Variants in HMCN1 observed in about 807,000 individuals in gnomAD.
HMCN1 encodes hemicentin-1.
In HMCN1, 321 loss-of-function variants were observed where a neutral mutation model predicts 625.9. The observed-to-expected ratio is 0.51, with a 90% CI of 0.47 to 0.56. The LOEUF (loss-of-function observed/expected upper bound fraction) is 0.56, where lower values mean the gene tolerates loss of function less well. Ranked by LOEUF, HMCN1 falls within the 20% of genes least tolerant of loss-of-function variation. The pLI is 0.00. For synonymous variants in HMCN1, 2,425 were observed against 2,417.6 expected, an observed-to-expected ratio of 1.00 and a Z score of -0.09; for missense variants, 6,588 against 6,887.3, an observed-to-expected ratio of 0.96 and a Z score of 1.54.
intron 4 of HMCN1, among the ~76,000 whole-genome samples, chr1:185,894,825 T>C (rs1665392842): frequency 6.6e-6 from 1 of 152,242 alleles, no homozygotes; most frequent in African/African-American, 2.4e-5. Context: ...GCTATAGGAT[T>C]CACATGAAAA....
At position 186,018,271 on chromosome 1, in the gene HMCN1, G is replaced by C; in HGVS notation, c.5389G>C (p.Val1797Leu). 3 of 1,612,960 alleles carry C rather than the reference G, an allele frequency of 1.9e-6. No individual in the cohort carries two copies. Among genetic ancestry groups the C allele is most frequent in the Non-Finnish European group, 2.5e-6 (3 of 1,179,174 alleles). Residue 1797 changes from valine (V) to leucine (L), a missense_variant, in exon 34 of 107, where the codon GTG (valine) becomes CTG (leucine). Physicochemically the swap from Val to Leu is conservative, Grantham distance 32. Coordinates refer to ENST00000271588, the MANE Select transcript of HMCN1 (RefSeq NM_031935.3). ...CAAACTGGTTATTGCTCAGGCTCAA[G>C]TGTCAAACACAGGCCTTTATCGGTG... ...GRKLVIAQAQ[V>L]SNTGLYRCMA...
intron 35 of HMCN1, among the ~76,000 whole-genome samples, chr1:186,020,273 G>GATGATAT (rs1558149828): frequency 0.023 from 2,659 of 116,968 alleles, 82 homozygotes; most frequent in African/African-American, 0.089. Context: ...ATAGATGATA[G>GATGATAT]ATTTCAAATC....
At chr1:186,100,871 C>A (rs116644192) in intron 68 of HMCN1, among the ~76,000 whole-genome samples, 287 of 152,228 alleles carry the variant, frequency 1.9e-3, no homozygotes, top group African/African-American at 6.6e-3. Context: ...TATCTGCTCA[C>A]CCCTAGCATA....
At chr1:185,965,990 C>T (rs1297306085) in intron 14 of HMCN1, 75 bp downstream of exon 14, 3 of 994,510 alleles carry the variant, frequency 3.0e-6, no homozygotes, top group Non-Finnish European at 4.8e-6. Flanking sequence ...TTTGTTAAAA[C>T]TTTGTTTTGG....
At chr1:185,855,692 A>G (rs868596569) in intron 2 of HMCN1, among the ~76,000 whole-genome samples, 5 of 152,218 alleles carry the variant, frequency 3.3e-5, no homozygotes, top group Non-Finnish European at 7.3e-5. Context: ...CTCCCTTGAA[A>G]GAAGGTCCAA....
chr1:185,783,123 T>TC (rs1333153279), intron 1 of HMCN1, among the ~76,000 whole-genome samples: 2 of 152,212 alleles, frequency 1.3e-5, no homozygotes, highest in Non-Finnish European at 2.9e-5. Context: ...TATCCTTTTT[T>TC]CCAGTTCATC....
intron 26 of HMCN1, among the ~76,000 whole-genome samples, chr1:186,000,474 C>T (rs1218853634): frequency 1.3e-5 from 2 of 151,554 alleles, no homozygotes; most frequent in East Asian, 3.9e-4. Flanking sequence ...AGTAAAAAGT[C>T]TCCTGACCCT....
chr1:186,055,159 GC>G (rs1390975613), intron 44 of HMCN1, among the ~76,000 whole-genome samples: 2 of 151,996 alleles, frequency 1.3e-5, no homozygotes, highest in East Asian at 3.9e-4. Context: ...AGTGAACACA[GC>G]AATCTTTACT....
intron 70 of HMCN1, among the ~76,000 whole-genome samples, chr1:186,108,201 T>C (rs762384188): frequency 6.6e-6 from 1 of 152,130 alleles, no homozygotes; most frequent in Non-Finnish European, 1.5e-5. Flanking sequence ...TTCTTTACTA[T>C]CAAATGGTGA....
chr1:185,780,499 C>CTTA (rs929826918), intron 1 of HMCN1, among the ~76,000 whole-genome samples: 1 of 152,128 alleles, frequency 6.6e-6, no homozygotes, highest in African/African-American at 2.4e-5. Flanking sequence ...ATAAATAGCT[C>CTTA]TTATTATTTT....
intron 70 of HMCN1, 106 bp downstream of exon 70, chr1:186,107,071 A>G (rs930285642): frequency 1.2e-6 from 1 of 803,998 alleles, no homozygotes; most frequent in Non-Finnish European, 2.2e-6. Context: ...GTTAGGGAAT[A>G]TATATTTTGC....
chr1:186,047,032 C>T (rs1008511516), intron 41 of HMCN1, among the ~76,000 whole-genome samples: 1 of 152,072 alleles, frequency 6.6e-6, no homozygotes, highest in African/African-American at 2.4e-5. Context: ...ATGTTTATTA[C>T]TGATAAACAA....
chr1:186,033,072 A>G (rs1367418698), intron 36 of HMCN1, among the ~76,000 whole-genome samples: 2 of 151,828 alleles, frequency 1.3e-5, no homozygotes, highest in Non-Finnish European at 2.9e-5. Context: ...ACGCACACAC[A>G]CACACACACA....
intron 1 of HMCN1, among the ~76,000 whole-genome samples, chr1:185,829,041 T>C (rs1660695186): frequency 6.6e-6 from 1 of 151,982 alleles, no homozygotes. Flanking sequence ...TAAAATAAAA[T>C]GTACAGTACA....
intron 105 of HMCN1, among the ~76,000 whole-genome samples, chr1:186,183,451 A>G (rs571799496): frequency 6.6e-6 from 1 of 152,180 alleles, no homozygotes. Context: ...TTGAGTAATA[A>G]CTTTCGCTTT....
At chr1:185,956,507 A>G (rs191025377) in intron 11 of HMCN1, among the ~76,000 whole-genome samples, 1 of 152,362 alleles carries the variant, frequency 6.6e-6, no homozygotes, top group Non-Finnish European at 1.5e-5. Flanking sequence ...ATGAACAGCC[A>G]TAGGGTGAGG....
Position 185,989,560 on chromosome 1 carries a change from C to T in HMCN1, c.3121C>T (p.Pro1041Ser). The T allele has an allele frequency of 1.9e-6, 3 of 1,614,020 alleles. No individual in the cohort carries two copies. The highest frequency in any genetic ancestry group is 2.5e-6 in the Non-Finnish European group (3 of 1,179,948). The change falls in exon 21 of 107, where the codon CCT becomes TCT. Residue 1041 changes from proline to serine, a missense_variant. Coordinates refer to ENST00000271588, the MANE Select transcript of HMCN1 (RefSeq NM_031935.3). ...TGATGGTAGTCTGTATGTGGTATCACCTGGAGGAGAGGAGAGTGGGGAGTA... is the reference window on the plus strand; with the variant it reads ...TGATGGTAGTCTGTATGTGGTATCATCTGGAGGAGAGGAGAGTGGGGAGTA... The part of the protein sequence containing the change: ...GADGSLYVVS[P>S]GGEESGEYVC...
chr1:185,882,736 C>T (rs963059347), intron 4 of HMCN1, among the ~76,000 whole-genome samples: 6 of 151,960 alleles, frequency 3.9e-5, no homozygotes, highest in African/African-American at 1.4e-4. Flanking sequence ...TCACCTTGGG[C>T]TTTCAACCAT....
intron 11 of HMCN1, among the ~76,000 whole-genome samples, chr1:185,948,785 G>T (rs1266917533): frequency 6.6e-6 from 1 of 151,572 alleles, no homozygotes; most frequent in Non-Finnish European, 1.5e-5. Flanking sequence ...TGAAGTGTCG[G>T]GGCGGTGAAA....
Sources: gnomAD v4.1 joint callset for allele counts (sites outside exome capture counted in the v4.1 genomes callset) on GRCh38, gnomAD v4.1.1 for gene constraint, MANE v1.5 for transcripts, NCBI Gene and HGNC (gene_info 2026-07-23, HGNC 2026-07-21) for gene names.